Variants in RGS11 observed in about 807,000 individuals in gnomAD.
The protein encoded by RGS11 is regulator of G-protein signaling 11.
Under a neutral mutation model 71.1 loss-of-function variants are expected in RGS11, and 86 were observed. That is an observed-to-expected ratio of 1.21 (90% CI 1.02 to 1.45). The LOEUF (loss-of-function observed/expected upper bound fraction) is 1.45. Ranked by LOEUF, RGS11 falls within the 40% of genes most tolerant of loss-of-function variation. The pLI is 0.00. For synonymous variants in RGS11, 298 were observed against 254.2 expected (o/e 1.17, Z -1.64); for missense variants, 734 against 635.1 (o/e 1.16, Z -1.67).
rs1242023266 is a variant in RGS11, at chr16:268,932, G to T, written c.*337C>A. 3 of 1,550,528 alleles carry T rather than the reference G, an allele frequency of 1.9e-6. No homozygotes were observed. The highest frequency in any genetic ancestry group is 1.7e-6 in the Non-Finnish European group (2 of 1,146,964). On this transcript the variant is annotated 3_prime_UTR_variant, in exon 17 of 17. Transcript: ENST00000397770. ...CTGATTTACTGGTTTTAGAGATGGG[G>T]ATGGGCACCCAGTGCTGGACTGAAG...
rs535851149 is a variant in RGS11 at position 268,750 on chromosome 16, C to T, written c.*519G>A. The T allele has an allele frequency of 3.0e-5, 47 of 1,545,698 alleles. No homozygotes were observed. Among genetic ancestry groups the T allele is most frequent in the African/African-American group, 5.5e-5 (4 of 72,998 alleles). ...CAGTGACCTCGAGGCAGCCTCAGCA[C>T]GGCACTCTCTTGGGTCCTCTTCCAG... On this transcript the variant is annotated 3_prime_UTR_variant, in exon 17 of 17. Transcript: ENST00000397770.
rs553314717 is a variant in RGS11 at position 270,424 on chromosome 16, C to T, written c.1206+99G>A. 1.1e-4 allele frequency: 147 copies of T among 1,384,544 alleles called. No individual in the cohort carries two copies. In the East Asian group the frequency reaches 1.3e-3, roughly 12 times the overall value. The allele number at this position is 1,384,544 out of a possible 1,614,324, so 85.8% of individuals were successfully genotyped here. On this transcript the variant is annotated intron_variant, in intron 15 of 16. Transcript: ENST00000397770. Reference sequence around the variant, plus strand: ...AGGTGCTCCCCAGGGGCAGAGTCAACGTGGGCAGTGCCTGTGCGGACAGAG... The same window carrying T: ...AGGTGCTCCCCAGGGGCAGAGTCAATGTGGGCAGTGCCTGTGCGGACAGAG...
intron 7 of RGS11, 48 bp from the exon 8 acceptor site, chr16:273,604 C>T (rs770932749): frequency 1.2e-5 from 18 of 1,519,382 alleles, no homozygotes; most frequent in Admixed American, 3.9e-5. Context: ...CACAGCAGCC[C>T]CTCCGCCCCC....
chr16:269,572 C>T lies in RGS11; in HGVS notation c.1220G>A (p.Arg407Lys), dbSNP rs759562985. The change falls in exon 16 of 17, where the codon AGG becomes AAG. Residue 407 changes from arginine to lysine, a missense_variant. Arg to Lys is a conservative substitution (Grantham distance 26). Coordinates refer to ENST00000397770, the MANE Select transcript of RGS11 (RefSeq NM_183337.3). ...YMLMKKDSYPRFLKSDMYKAL... is the reference protein window; with the variant it reads ...YMLMKKDSYPKFLKSDMYKAL... ...CTTGTACATGTCAGACTTCAGGAAC[C>T]TTGGGTAGGAGTCCTACAAGAGACA... 1 of 1,613,144 alleles carries T rather than the reference C, an allele frequency of 6.2e-7. No homozygotes were observed. The highest frequency in any genetic ancestry group is 2.2e-5 in the East Asian group (1 of 44,890).
In RGS11 at chr16:271,573, G is replaced by C; in HGVS notation, c.658-4C>G. ...TATGGAAATCTGCACTCTTGGTCTAGAAGGGGATAGGTGGGCTGCAGTTAG... is the reference window on the plus strand; with the variant it reads ...TATGGAAATCTGCACTCTTGGTCTACAAGGGGATAGGTGGGCTGCAGTTAG... On this transcript the variant is annotated splice_polypyrimidine_tract_variant and splice_region_variant and intron_variant, in intron 9 of 16. Transcript: ENST00000397770. 2 of 1,613,940 alleles carry C rather than the reference G, an allele frequency of 1.2e-6. No individual in the cohort carries two copies. Among genetic ancestry groups the C allele is most frequent in the Non-Finnish European group, 1.7e-6 (2 of 1,179,988 alleles).
intron 3 of RGS11, 86 bp from the exon 4 acceptor site, chr16:275,168 C>G: frequency 1.9e-6 from 3 of 1,575,662 alleles, no homozygotes; most frequent in African/African-American, 1.3e-5. Flanking sequence ...TATGTGCTCC[C>G]CACCCTTGCA....
At chr16:273,009 G>T in intron 8 of RGS11, 78 bp from the exon 9 acceptor site, 2 of 1,306,478 alleles carry the variant, frequency 1.5e-6, no homozygotes, top group South Asian at 1.5e-5. Context: ...CCCCCTCCCA[G>T]ACCCCCATGT....
At chr16:272,252 C>T (rs775019818) in intron 9 of RGS11, 38 of 1,210,486 alleles carry the variant, frequency 3.1e-5, no homozygotes, top group South Asian at 1.6e-4. Flanking sequence ...GTCGGCACCT[C>T]GCTGGGGCCA....
At chr16:273,692 T>A in intron 7 of RGS11, 68 bp downstream of exon 7, 1 of 1,560,268 alleles carries the variant, frequency 6.4e-7, no homozygotes, top group Non-Finnish European at 8.8e-7. Context: ...GAGCCTGGCC[T>A]GGGCTGGGCT....
In RGS11 at chr16:275,929, G is replaced by A. The variant is rs1198213489; in HGVS notation, c.-18C>T. ...GCGGCCATGGCTGCGGGGCGAGGCC[G>A]GCGGGGATGACCGACGTCCCGCCCG... On this transcript the variant is annotated 5_prime_UTR_variant, in exon 1 of 17. Coordinates refer to ENST00000397770, the MANE Select transcript of RGS11 (RefSeq NM_183337.3). 1.9e-6 allele frequency: 1 copy of A among 530,060 alleles called. No individual in the cohort carries two copies. Among genetic ancestry groups the A allele is most frequent in the Non-Finnish European group, 2.2e-6 (1 of 454,842 alleles). The allele number at this position is 530,060 out of a possible 1,614,324, so 32.8% of individuals were successfully genotyped here.
chr16:269,998 C>G (rs772349849), intron 15 of RGS11: 9 of 177,312 alleles, frequency 5.1e-5, no homozygotes, highest in Non-Finnish European at 8.9e-5. Context: ...GCCTGTAATC[C>G]CAGCACTTTG....
At chr16:272,121 C>T (rs2051966261) in intron 9 of RGS11, 7 of 1,128,076 alleles carry the variant, frequency 6.2e-6, no homozygotes, top group Non-Finnish European at 7.7e-6. Flanking sequence ...GAGACGTGAG[C>T]CACCGCGCCC....
chr16:270,423 A>G (rs2051875667), intron 15 of RGS11, 100 bp downstream of exon 15: 1 of 1,380,676 alleles, frequency 7.2e-7, no homozygotes, highest in African/African-American at 1.4e-5. Context: ...GGCAGAGTCA[A>G]CGTGGGCAGT....
rs2685126 is a variant in RGS11, at chr16:274,052, A to G, written c.420T>C (p.Asp140=). ...GGGTGGGGGGTCCCACCTTCTCATA[A>G]TCCACCAGGGTCCCCCGTTTTCGGA... ...KNIRKRGTLV[D]YEKDCYDRLH... The change falls in exon 6 of 17, where the codon GAT becomes GAC. Residue 140 remains aspartate, a synonymous_variant. Transcript: ENST00000397770. The G allele has an allele frequency of 0.66, 1,015,072 of 1,549,696 alleles. 335,292 individuals are homozygous for G. The highest frequency in any genetic ancestry group is 0.86 in the African/African-American group (62,988 of 73,028).
intron 6 of RGS11, 24 bp downstream of exon 6, chr16:274,019 G>T (rs199982124): frequency 2.6e-6 from 4 of 1,534,504 alleles, no homozygotes; most frequent in Non-Finnish European, 3.5e-6. Context: ...ACCCAGCCGG[G>T]GCGGGAAGGG....
Position 269,117 on chromosome 16 carries a change from TGCACCCCACAGAAGACTGG to T in RGS11, c.*133_*151del. ...GGGCTTGCTGGAGGGAGGGAGGCTG[TGCACCCCACAGAAGACTGG>T]GCCCCCTGGGCACAAGGGGACACTG... On this transcript the variant is annotated 3_prime_UTR_variant, in exon 17 of 17. Coordinates refer to ENST00000397770, the MANE Select transcript of RGS11 (RefSeq NM_183337.3). The T allele has an allele frequency of 1.1e-6, 1 of 890,574 alleles. No homozygotes were observed. The highest frequency in any genetic ancestry group is 1.8e-6 in the Non-Finnish European group (1 of 549,160). The allele number at this position is 890,574 out of a possible 1,614,324, so 55.2% of individuals were successfully genotyped here.
In RGS11 at chr16:270,817, A is replaced by G; in HGVS notation, c.994T>C (p.Phe332Leu). Reference protein sequence around the residue: ...GKEFSGENLSFWEACEELRYG... With the variant: ...GKEFSGENLSLWEACEELRYG... ...CGAAGCTCCTCACATGCCTCCCAGA[A>G]GCTGAGGTTTTCTCCTGGGGGGCCG... The change falls in exon 14 of 17, where the codon TTC becomes CTC. Residue 332 changes from phenylalanine to leucine, a missense_variant. Transcript: ENST00000397770. 2 of 1,611,884 alleles carry G rather than the reference A, an allele frequency of 1.2e-6. No homozygotes were observed.
chr16:269,509 T>C lies in RGS11; in HGVS notation c.1283A>G (p.Lys428Arg), dbSNP rs1251402364. The change falls in exon 16 of 17, where the codon AAG becomes AGG. Residue 428 changes from lysine to arginine, a missense_variant. By Grantham distance (26) the Lys-to-Arg change is conservative. Coordinates refer to ENST00000397770, the MANE Select transcript of RGS11 (RefSeq NM_183337.3). ...GGGCACTGCCTGGGCTCACCGTCTC[T>C]TCATCTCCAGCGGGATCCCAGCCTC... The part of the protein sequence containing the change: ...LAEAGIPLEM[K>R]RRVFPFTWRP... 20 of 1,613,076 alleles carry C rather than the reference T, an allele frequency of 1.2e-5. No individual in the cohort carries two copies. The highest frequency in any genetic ancestry group is 1.5e-5 in the Non-Finnish European group (18 of 1,179,856).
chr16:271,329 T>C lies in RGS11; in HGVS notation c.750-14A>G, dbSNP rs745409240. The C allele has an allele frequency of 3.2e-5, 52 of 1,611,722 alleles. No homozygotes were observed. Among genetic ancestry groups the C allele is most frequent in the Middle Eastern group, 1.6e-4 (1 of 6,082 alleles). ...AAACTCAGGTACCTGGAAGGGGGTA[T>C]GGGGGCTGGTGCAGGAGGGGCCTCA... On this transcript the variant is annotated splice_polypyrimidine_tract_variant and intron_variant, in intron 11 of 16. Coordinates refer to ENST00000397770, the MANE Select transcript of RGS11 (RefSeq NM_183337.3).
Sources: gnomAD v4.1 joint callset for allele counts on GRCh38, gnomAD v4.1.1 for gene constraint, MANE v1.5 for transcripts, NCBI Gene and HGNC (gene_info 2026-07-23, HGNC 2026-07-21) for gene names.